Variants in GPD2 observed in about 807,000 individuals in gnomAD.
GPD2 encodes the protein glycerol-3-phosphate dehydrogenase 2.
In GPD2, 54 loss-of-function variants were observed where a neutral mutation model predicts 82.4. The ratio of observed to expected loss-of-function variants is 0.66; its 90% CI spans 0.53 to 0.82. The LOEUF (loss-of-function observed/expected upper bound fraction) is 0.82. GPD2 is among the 40% of genes least tolerant of loss of function. The pLI is 0.00. For missense variants in GPD2, 748 were observed against 896.2 expected (o/e 0.83, Z 2.11); for synonymous variants, 288 against 306.1 (o/e 0.94, Z 0.62).
chr2:156,501,609 C>G (rs900309101), intron 3 of GPD2, among the ~76,000 whole-genome samples: 2 of 152,150 alleles, frequency 1.3e-5, no homozygotes, highest in Admixed American at 6.6e-5. Context: ...GAATTATGGT[C>G]TCCACCCATC....
intron 3 of GPD2, among the ~76,000 whole-genome samples, chr2:156,503,579 T>C (rs1573938200): frequency 6.6e-6 from 1 of 152,298 alleles, no homozygotes; most frequent in South Asian, 2.1e-4. Flanking sequence ...AAATTGGATA[T>C]TCAGTTATTG....
chr2:156,545,713 AG>A (rs1308169599), intron 6 of GPD2, among the ~76,000 whole-genome samples: 1 of 152,216 alleles, frequency 6.6e-6, no homozygotes, highest in East Asian at 1.9e-4. Context: ...AGAAAATCCC[AG>A]GTAGTTTTAT....
intron 6 of GPD2, among the ~76,000 whole-genome samples, chr2:156,525,536 T>G (rs1558942618): frequency 6.6e-6 from 1 of 152,182 alleles, no homozygotes. Flanking sequence ...AAAAATTATG[T>G]GAAGAAGAAA....
chr2:156,533,664 T>A (rs578052391), intron 6 of GPD2, among the ~76,000 whole-genome samples: 1 of 152,364 alleles, frequency 6.6e-6, no homozygotes, highest in South Asian at 2.1e-4. Flanking sequence ...ATGTGATACT[T>A]CTGAATTGAG....
Position 156,541,820 on chromosome 2 carries a change from G to GTTTT in GPD2, c.662-7785_662-7784insTTTT, listed in dbSNP as rs1397587048. On this transcript the variant is annotated intron_variant, in intron 6 of 16. Coordinates refer to ENST00000438166, the MANE Select transcript of GPD2 (RefSeq NM_000408.5). The stretch of plus-strand genomic sequence containing the variant: ...TTCTTCCTTAAACGTATAAAATGCT[G>GTTTT]TTTGTTTTTTTTTTTTTTTTTTTTT... 3.8e-3 allele frequency among the ~76,000 whole-genome samples: 126 copies of GTTTT among 33,590 alleles called. 1 individual carries two copies. Among genetic ancestry groups the GTTTT allele is most frequent in the East Asian group, 0.019 (26 of 1,336 alleles). 22.0% of individuals were successfully genotyped at this position (33,590 alleles called of 152,430 possible).
rs1480160387 is a variant in GPD2, at chr2:156,583,486, T to G, written c.*568T>G. On this transcript the variant is annotated 3_prime_UTR_variant, in exon 17 of 17. Transcript: ENST00000438166. ...TCCTCATGCAAACAATATTCCACAT[T>G]TTTATATCTAGAGCATGACTGGCTA... 6.1e-6 allele frequency: 1 copy of G among 164,890 alleles called. No individual in the cohort carries two copies. The highest frequency in any genetic ancestry group is 1.3e-5 in the Non-Finnish European group (1 of 74,946). The allele number at this position is 164,890 out of a possible 1,614,324, so 10.2% of individuals were successfully genotyped here. A position where few individuals can be genotyped will look rare whatever the true frequency, so the allele number is the denominator to read the frequency against.
intron 9 of GPD2, among the ~76,000 whole-genome samples, chr2:156,560,825 T>G (rs1687139198): frequency 6.6e-6 from 1 of 152,118 alleles, no homozygotes; most frequent in African/African-American, 2.4e-5. Flanking sequence ...CACCATTCAG[T>G]TATTCAATTA....
intron 9 of GPD2, among the ~76,000 whole-genome samples, chr2:156,559,619 A>C (rs1172431400): frequency 1.3e-5 from 2 of 152,176 alleles, no homozygotes; most frequent in East Asian, 3.8e-4. Flanking sequence ...TTAATTGACT[A>C]ATCCATATTG....
chr2:156,507,136 C>G (rs1684813935), intron 3 of GPD2, among the ~76,000 whole-genome samples: 1 of 151,854 alleles, frequency 6.6e-6, no homozygotes, highest in South Asian at 2.1e-4. Flanking sequence ...GCCTCAGCCT[C>G]CTGAGTAGCT....
chr2:156,544,470 G>A lies in GPD2; in HGVS notation c.662-5138G>A, dbSNP rs1686451819. 2.0e-5 allele frequency among the ~76,000 whole-genome samples: 3 copies of A among 152,146 alleles called. No homozygotes were observed. The South Asian group carries it at 6.2e-4, about 32-fold the overall frequency. ...GGGCATGGCTACAGGGAGGGGTGAA[G>A]GATTGGGACAATTTTTGCAATATAT... On this transcript the variant is annotated intron_variant, in intron 6 of 16. Coordinates refer to ENST00000438166, the MANE Select transcript of GPD2 (RefSeq NM_000408.5).
chr2:156,478,521 A>T (rs561464533), intron 2 of GPD2, among the ~76,000 whole-genome samples: 32 of 152,272 alleles, frequency 2.1e-4, no homozygotes, highest in East Asian at 5.8e-4. Context: ...ATAATAATAA[A>T]AAATAAAAGC....
chr2:156,416,328 T>C, the GPD2 span, among the ~76,000 whole-genome samples: 1 of 151,810 alleles, frequency 6.6e-6, no homozygotes, highest in African/African-American at 2.4e-5. Flanking sequence ...TTTCGTTAAC[T>C]ATTTAGGTCA....
intron 8 of GPD2, among the ~76,000 whole-genome samples, chr2:156,553,021 T>C (rs1686821248): frequency 6.8e-6 from 1 of 147,928 alleles, no homozygotes; most frequent in South Asian, 2.3e-4. Flanking sequence ...TGCCTCAGCC[T>C]CCCGAGTAGC....
intron 2 of GPD2, among the ~76,000 whole-genome samples, chr2:156,478,452 A>G (rs559300565): frequency 6.6e-5 from 10 of 152,296 alleles, no homozygotes; most frequent in South Asian, 6.2e-4. Flanking sequence ...TACTGCCATT[A>G]GCATGTATTT....
At position 156,583,552 on chromosome 2, in the gene GPD2, C is replaced by T. The variant is rs1688108308; in HGVS notation, c.*634C>T. ...AAAAGTTTAGATCTGGTTACTGGAG[C>T]AAGTCTCAAAGAGAAACTCTGAAAG... is the stretch of plus-strand genomic sequence containing the variant. On this transcript the variant is annotated 3_prime_UTR_variant, in exon 17 of 17. Transcript: ENST00000438166. 1 of 156,696 alleles carries T rather than the reference C, an allele frequency of 6.4e-6. No individual in the cohort carries two copies. The highest frequency in any genetic ancestry group is 2.4e-5 in the African/African-American group (1 of 41,418). 9.7% of individuals were successfully genotyped at this position (156,696 alleles called of 1,614,324 possible).
At chr2:156,517,994 C>T (rs550344592) in intron 6 of GPD2, among the ~76,000 whole-genome samples, 38 of 152,238 alleles carry the variant, frequency 2.5e-4, no homozygotes, top group Non-Finnish European at 4.6e-4. Flanking sequence ...TCATACCCGA[C>T]GATGCTTCTA....
At chr2:156,466,962 C>T (rs1222053805) in intron 1 of GPD2, among the ~76,000 whole-genome samples, 1 of 152,202 alleles carries the variant, frequency 6.6e-6, no homozygotes, top group Non-Finnish European at 1.5e-5. Context: ...CAACCTCGTT[C>T]TCACTGTTGG....
At chr2:156,523,872 G>A (rs1386153459) in intron 6 of GPD2, among the ~76,000 whole-genome samples, 1 of 152,060 alleles carries the variant, frequency 6.6e-6, no homozygotes, top group East Asian at 1.9e-4. Context: ...TCAAATATCT[G>A]GTTATGTTCA....
chr2:156,529,192 T>C (rs1573966291), intron 6 of GPD2, among the ~76,000 whole-genome samples: 1 of 90,366 alleles, frequency 1.1e-5, no homozygotes, highest in East Asian at 4.3e-4. Context: ...TGGCCAGTGA[T>C]GGTGAGCATT....
Sources: gnomAD v4.1 joint callset for allele counts (sites outside exome capture counted in the v4.1 genomes callset) on GRCh38, gnomAD v4.1.1 for gene constraint, MANE v1.5 for transcripts, NCBI Gene and HGNC (gene_info 2026-07-23, HGNC 2026-07-21) for gene names.